Variants in PITPNB observed in about 807,000 individuals in gnomAD.
The protein encoded by PITPNB is phosphatidylinositol transfer protein beta isoform.
A neutral mutation model predicts 45.9 loss-of-function variants in PITPNB; 16 were observed. That is an observed-to-expected ratio of 0.35 (90% CI 0.24 to 0.53). PITPNB has a LOEUF of 0.53. Among genes scored for constraint, PITPNB ranks in the 20% least tolerant of loss-of-function variants. The probability of loss-of-function intolerance (pLI) is 0.93; values close to 1 mark genes in which losing one functional copy is unlikely to be tolerated. For missense variants in PITPNB, 188 were observed against 330.5 expected, an observed-to-expected ratio of 0.57 and a Z score of 3.34; for synonymous variants, 112 against 108.9, an observed-to-expected ratio of 1.03 and a Z score of -0.18.
Position 27,897,803 on chromosome 22 carries a change from G to T in PITPNB, c.287C>A (p.Thr96Lys). The stretch of plus-strand genomic sequence containing the variant: ...TGGCTGCTGGGGGCCAAGCTTACTT[G>T]TTCTACAGTAGGGGTACGCATTCCA... Reference protein sequence around the residue: ...KAWNAYPYCRTIVTNEYMKDD... With the variant: ...KAWNAYPYCRKIVTNEYMKDD... Residue 96 changes from threonine (T) to lysine (K), a missense_variant and splice_region_variant, in exon 4 of 12, where the codon ACA (threonine) becomes AAA (lysine). Physicochemically the swap from Thr to Lys is moderately conservative, Grantham distance 78. Coordinates refer to ENST00000335272, the MANE Select transcript of PITPNB (RefSeq NM_012399.5). The T allele has an allele frequency of 6.2e-7, 1 of 1,606,472 alleles. No individual in the cohort carries two copies. The highest frequency in any genetic ancestry group is 1.1e-5 in the South Asian group (1 of 90,946).
chr22:27,901,790 A>T (rs1935602060), intron 3 of PITPNB, among the ~76,000 whole-genome samples: 1 of 152,122 alleles, frequency 6.6e-6, no homozygotes, highest in Non-Finnish European at 1.5e-5. Context: ...AGGCTGAGGC[A>T]GGAGAGTCGC....
At position 27,911,088 on chromosome 22, in the gene PITPNB, A is replaced by C; in HGVS notation, c.73T>G (p.Ser25Ala). 1 of 1,613,212 alleles carries C rather than the reference A, an allele frequency of 6.2e-7. No homozygotes were observed. Residue 25 changes from serine (S) to alanine (A), a missense_variant, in exon 3 of 12, where the codon TCT (serine) becomes GCT (alanine). Ser to Ala is a moderately conservative substitution (Grantham distance 99). Coordinates refer to ENST00000335272, the MANE Select transcript of PITPNB (RefSeq NM_012399.5). ...TCATTCTTACTAGCTTCTGCAACAG[A>C]GTAAAGCTGCCCAACCTGATACTGA... is the stretch of plus-strand genomic sequence containing the variant. ...VQEYQVGQLY[S>A]VAEASKNETG...
In PITPNB at chr22:27,896,896, C is replaced by T. The variant is rs1046231790; in HGVS notation, c.297+234G>A. On this transcript the variant is annotated intron_variant, in intron 5 of 11. Transcript: ENST00000335272. ...TGTGAGGTCTGATAAACAAATATGG[C>T]GTTTGAAGGGAGTAACAAAAGCAAA... is the stretch of plus-strand genomic sequence containing the variant. 11 of 609,302 alleles carry T rather than the reference C, an allele frequency of 1.8e-5. No individual in the cohort carries two copies. In the Admixed American group the frequency reaches 2.2e-4, roughly 12 times the overall value. The allele number at this position is 609,302 out of a possible 1,614,324, so 37.7% of individuals were successfully genotyped here.
intron 7 of PITPNB, among the ~76,000 whole-genome samples, chr22:27,877,476 G>A (rs888419786): frequency 1.3e-5 from 2 of 152,156 alleles, no homozygotes; most frequent in Non-Finnish European, 2.9e-5. Flanking sequence ...CTCCACACTG[G>A]AGCCACAGAA....
intron 3 of PITPNB, among the ~76,000 whole-genome samples, chr22:27,902,922 T>C (rs1935643792): frequency 6.6e-6 from 1 of 152,144 alleles, no homozygotes. Flanking sequence ...GGTCGCAGTA[T>C]GTTTTGCTAT....
chr22:27,914,320 C>T lies in PITPNB; in HGVS notation c.48G>A (p.Gln16=), dbSNP rs778500279. Residue 16 remains glutamine (Q), a synonymous_variant, in exon 2 of 12, where the codon CAG becomes CAA. Coordinates refer to ENST00000335272, the MANE Select transcript of PITPNB (RefSeq NM_012399.5). Reference sequence around the variant, plus strand: ...TGCAGAAGCAAGAAAAACTCACCTCCTGAACAGAACATGGCAAAACCACAC... The same window carrying T: ...TGCAGAAGCAAGAAAAACTCACCTCTTGAACAGAACATGGCAAAACCACAC... ...EFRVVLPCSV[Q]EYQVGQLYSV... is the part of the protein sequence containing the mutation. 2 of 1,594,038 alleles carry T rather than the reference C, an allele frequency of 1.3e-6. No individual in the cohort carries two copies. The highest frequency in any genetic ancestry group is 1.3e-5 in the African/African-American group (1 of 74,428).
At chr22:27,918,210 C>G (rs1308762384) in intron 1 of PITPNB, among the ~76,000 whole-genome samples, 2 of 152,120 alleles carry the variant, frequency 1.3e-5, no homozygotes, top group Non-Finnish European at 1.5e-5. Flanking sequence ...AGAAGTGCAT[C>G]AGTGACTTTT....
chr22:27,881,806 T>C (rs1419966588), intron 7 of PITPNB, among the ~76,000 whole-genome samples: 1 of 152,132 alleles, frequency 6.6e-6, no homozygotes, highest in East Asian at 1.9e-4. Flanking sequence ...AAAATTAATT[T>C]GGAGGATATA....
At chr22:27,885,705 A>G (rs761790173) in intron 7 of PITPNB, among the ~76,000 whole-genome samples, 35 of 152,162 alleles carry the variant, frequency 2.3e-4, no homozygotes, top group Non-Finnish European at 4.9e-4. Context: ...CATATAATAT[A>G]TATCTTATCC....
chr22:27,900,230 G>T (rs1935554538), intron 3 of PITPNB, among the ~76,000 whole-genome samples: 1 of 150,282 alleles, frequency 6.7e-6, no homozygotes, highest in Admixed American at 6.6e-5. Context: ...AAAAAAGAAA[G>T]AAAAAACAAA....
chr22:27,856,634 C>T (rs1934181891), intron 10 of PITPNB, among the ~76,000 whole-genome samples: 1 of 152,210 alleles, frequency 6.6e-6, no homozygotes, highest in East Asian at 1.9e-4. Context: ...CACAGTTCTT[C>T]AGCATAAAAA....
intron 8 of PITPNB, among the ~76,000 whole-genome samples, chr22:27,872,250 T>G (rs1427770376): frequency 6.6e-6 from 1 of 151,896 alleles, no homozygotes; most frequent in East Asian, 1.9e-4. Context: ...AGCACCATCG[T>G]GCCCAGCTAA....
chr22:27,868,173 C>T (rs940353839), intron 8 of PITPNB, among the ~76,000 whole-genome samples: 1 of 152,158 alleles, frequency 6.6e-6, no homozygotes, highest in African/African-American at 2.4e-5. Flanking sequence ...CTGGACCTCA[C>T]AGACAAGTCG....
At chr22:27,914,400 A>G in intron 1 of PITPNB, 53 bp from the exon 2 acceptor site, 1 of 1,095,220 alleles carries the variant, frequency 9.1e-7, no homozygotes, top group Non-Finnish European at 1.4e-6. Context: ...AGCTTTAAAC[A>G]CAGATCTCTG....
chr22:27,879,324 A>T (rs1934904574), intron 7 of PITPNB, among the ~76,000 whole-genome samples: 1 of 152,206 alleles, frequency 6.6e-6, no homozygotes, highest in Non-Finnish European at 1.5e-5. Context: ...TACACTCCAT[A>T]TCCTACAACA....
chr22:27,882,358 A>T (rs1306296892), intron 7 of PITPNB, among the ~76,000 whole-genome samples: 2 of 152,270 alleles, frequency 1.3e-5, no homozygotes, highest in Non-Finnish European at 2.9e-5. Flanking sequence ...TGTATGGAAA[A>T]GCAAATCATT....
intron 8 of PITPNB, among the ~76,000 whole-genome samples, chr22:27,870,136 T>A (rs1290392053): frequency 1.3e-5 from 2 of 152,190 alleles, no homozygotes; most frequent in Non-Finnish European, 2.9e-5. Context: ...CCGAATCAGG[T>A]GTTCCAGAAA....
At chr22:27,890,219 C>T (rs1935233768) in intron 7 of PITPNB, among the ~76,000 whole-genome samples, 1 of 152,044 alleles carries the variant, frequency 6.6e-6, no homozygotes, top group African/African-American at 2.4e-5. Flanking sequence ...GCCTTCAACA[C>T]CGCCCACCCC....
intron 7 of PITPNB, among the ~76,000 whole-genome samples, chr22:27,885,007 C>T (rs8142836): frequency 6.9e-6 from 1 of 145,112 alleles, no homozygotes; most frequent in African/African-American, 2.5e-5. Context: ...GTTCCAATTT[C>T]TTTTTTTTTT....
Sources: gnomAD v4.1 joint callset for allele counts (sites outside exome capture counted in the v4.1 genomes callset) on GRCh38, gnomAD v4.1.1 for gene constraint, MANE v1.5 for transcripts, NCBI Gene and HGNC (gene_info 2026-07-23, HGNC 2026-07-21) for gene names.